The following SORCS2 variants were observed in gnomAD, a reference collection of about 807,000 sequenced individuals.
SORCS2 encodes VPS10 domain-containing receptor SorCS2.
In SORCS2, 100 loss-of-function variants were observed where a neutral mutation model predicts 141.6. The ratio of observed to expected loss-of-function variants is 0.71; its 90% CI spans 0.60 to 0.83. The LOEUF (loss-of-function observed/expected upper bound fraction) is 0.83, where lower values mean the gene tolerates loss of function less well. Ranked by LOEUF, SORCS2 falls within the 40% of genes least tolerant of loss-of-function variation. The pLI, the probability that SORCS2 is intolerant of heterozygous loss-of-function variation, is 0.00. For missense variants in SORCS2, 1,646 were observed against 1,560.2 expected, an observed-to-expected ratio of 1.05 and a Z score of -0.93; for synonymous variants, 789 against 676.9, an observed-to-expected ratio of 1.17 and a Z score of -2.57.
chr4:7,386,426 C>G (rs1723322564), intron 1 of SORCS2, among the ~76,000 whole-genome samples: 1 of 112,808 alleles, frequency 8.9e-6, no homozygotes, highest in Non-Finnish European at 1.8e-5. Context: ...CACATGCACA[C>G]ACATACAGGT....
chr4:7,733,463 C>G, intron 24 of SORCS2, 42 bp downstream of exon 24: 2 of 1,477,926 alleles, frequency 1.4e-6, no homozygotes, highest in South Asian at 2.5e-5. Context: ...GTGGAGGAGG[C>G]ATCCGGGCCC....
chr4:7,329,940 T>C (rs1480163538), intron 1 of SORCS2, among the ~76,000 whole-genome samples: 1 of 152,098 alleles, frequency 6.6e-6, no homozygotes, highest in Non-Finnish European at 1.5e-5. Context: ...ACCTGTTTGG[T>C]CTTACACTTT....
chr4:7,621,430 AGTGT>A (rs750083934), intron 3 of SORCS2, among the ~76,000 whole-genome samples: 11 of 114,218 alleles, frequency 9.6e-5, no homozygotes, highest in Admixed American at 3.7e-4. Context: ...TGTGTGTGTG[AGTGT>A]GTGTCTATGT....
At chr4:7,320,029 A>G (rs113335035) in intron 1 of SORCS2, among the ~76,000 whole-genome samples, 75 of 152,338 alleles carry the variant, frequency 4.9e-4, no homozygotes, top group African/African-American at 1.8e-3. Context: ...AGGGCCAGGC[A>G]TGGTGGCCCA....
At chr4:7,733,220 G>C in intron 23 of SORCS2, 102 bp from the exon 24 acceptor site, 1 of 696,010 alleles carries the variant, frequency 1.4e-6, no homozygotes, top group Non-Finnish European at 2.1e-6. Flanking sequence ...CCAACACGTG[G>C]AGACCCCTCA....
rs969794392 is a variant in SORCS2, at chr4:7,433,636, G to T, written c.548+37281G>T. 8.7e-6 allele frequency: 14 copies of T among 1,610,682 alleles called. No homozygotes were observed. The highest frequency in any genetic ancestry group is 6.7e-5 in the Admixed American group (4 of 59,758). On this transcript the variant is annotated intron_variant, in intron 2 of 26. Transcript: ENST00000507866. ...GAAGGCCACCAGGATGTCTCGCTTG[G>T]TGCTCTTGCTCTCCAAGTTGTGGGA... is the stretch of plus-strand genomic sequence containing the variant.
chr4:7,446,227 G>A (rs1164755091), intron 2 of SORCS2, among the ~76,000 whole-genome samples: 2 of 152,132 alleles, frequency 1.3e-5, no homozygotes, highest in Admixed American at 6.5e-5. Context: ...CAGCAGAGCT[G>A]AGCATCAGTA....
chr4:7,656,010 A>G (rs556178528), intron 5 of SORCS2, among the ~76,000 whole-genome samples: 227 of 152,276 alleles, frequency 1.5e-3, no homozygotes, highest in African/African-American at 4.8e-3. Flanking sequence ...ACTGACCACC[A>G]CGGCCCCGGC....
At chr4:7,729,559 G>A (rs1433975232) in intron 22 of SORCS2, 28 bp from the exon 23 acceptor site, 4 of 1,563,132 alleles carry the variant, frequency 2.6e-6, no homozygotes, top group Non-Finnish European at 3.5e-6. Flanking sequence ...AAGACAGGCG[G>A]ACCAAAGTGG....
At chr4:7,720,265 G>A (rs1278995822) in intron 18 of SORCS2, among the ~76,000 whole-genome samples, 3 of 152,140 alleles carry the variant, frequency 2.0e-5, no homozygotes, top group Non-Finnish European at 4.4e-5. Flanking sequence ...TATGGCCGAG[G>A]GATGTTTGAC....
intron 2 of SORCS2, among the ~76,000 whole-genome samples, chr4:7,495,931 C>T (rs4689761): frequency 0.89 from 134,913 of 152,246 alleles, 61,462 homozygotes; most frequent in South Asian, 0.99. Flanking sequence ...AGGCACCTGC[C>T]GGCCTGGCCT....
intron 3 of SORCS2, among the ~76,000 whole-genome samples, chr4:7,558,043 A>G (rs1026633074): frequency 6.6e-6 from 1 of 152,166 alleles, no homozygotes; most frequent in African/African-American, 2.4e-5. Flanking sequence ...CTACAACACT[A>G]GAGCCGGAGG....
chr4:7,442,658 G>T (rs565312626), intron 2 of SORCS2, among the ~76,000 whole-genome samples: 88 of 97,598 alleles, frequency 9.0e-4, no homozygotes, highest in Non-Finnish European at 1.3e-3. Flanking sequence ...CTGCCCTGCC[G>T]CAGAGGTCAG....
intron 4 of SORCS2, among the ~76,000 whole-genome samples, chr4:7,640,617 ATCT>A (rs1720671893): frequency 2.6e-5 from 4 of 151,742 alleles, no homozygotes; most frequent in Admixed American, 2.6e-4. Flanking sequence ...GCCTGGGGTG[ATCT>A]TCACATCTGG....
In SORCS2 at chr4:7,664,381, C is replaced by T. The variant is rs373684939; in HGVS notation, c.981C>T (p.His327=). 2 of 1,613,932 alleles carry T rather than the reference C, an allele frequency of 1.2e-6. No homozygotes were observed. Residue 327 remains histidine, a synonymous_variant, in exon 7 of 27, where the codon CAC becomes CAT. Coordinates refer to ENST00000507866, the MANE Select transcript of SORCS2 (RefSeq NM_020777.3). The surrounding 1 kb of genome is among the most constrained non-coding windows in gnomAD (Gnocchi z 4.7). ...GDFRYVTCAI[H]NCSEKMLTAP... ...TTCGGTACGTCACCTGCGCAATCCA[C>T]AATTGCTCCGAGAAGATGCTGACAG...
In SORCS2 at chr4:7,232,871, A is replaced by G. The variant is rs111798886; in HGVS notation, c.480+39745A>G. ...GCCTCTGGGGGCCGAGCATGGTCTC[A>G]AAGTCAAGATTTGGTAAGGCACTGG... On this transcript the variant is annotated intron_variant, in intron 1 of 26. Coordinates refer to ENST00000507866, the MANE Select transcript of SORCS2 (RefSeq NM_020777.3). Among the ~76,000 whole-genome samples the G allele has an allele frequency of 1.3e-3, 202 of 152,300 alleles. 1 individual carries two copies. The highest frequency in any genetic ancestry group is 4.5e-3 in the African/African-American group (187 of 41,574).
At chr4:7,375,761 A>G (rs1162879520) in intron 1 of SORCS2, among the ~76,000 whole-genome samples, 1 of 152,234 alleles carries the variant, frequency 6.6e-6, no homozygotes, top group Non-Finnish European at 1.5e-5. Flanking sequence ...GACTGTGAGG[A>G]TTATTGGCTG....
intron 3 of SORCS2, among the ~76,000 whole-genome samples, chr4:7,568,458 C>T (rs1359475600): frequency 1.3e-5 from 2 of 152,164 alleles, no homozygotes; most frequent in African/African-American, 4.8e-5. Context: ...TGTGCACTTG[C>T]GATGTGCTAC....
chr4:7,399,962 G>C (rs772479839), intron 2 of SORCS2, among the ~76,000 whole-genome samples: 28 of 152,098 alleles, frequency 1.8e-4, no homozygotes, highest in Non-Finnish European at 3.4e-4. Context: ...GATTCCACCG[G>C]TCTAGGGTCT....
Sources: gnomAD v4.1 joint callset for allele counts (sites outside exome capture counted in the v4.1 genomes callset) on GRCh38, gnomAD v4.1.1 for gene constraint, Gnocchi (gnomAD v3.1) non-coding constraint, MANE v1.5 for transcripts, NCBI Gene and HGNC (gene_info 2026-07-23, HGNC 2026-07-21) for gene names.